The following ST18 variants were observed in gnomAD, a reference collection of about 807,000 sequenced individuals.
ST18 encodes the protein ST18 C2H2C-type zinc finger transcription factor.
In ST18, 50 loss-of-function variants were observed where a neutral mutation model predicts 110.0. That is an observed-to-expected ratio of 0.45 (90% CI 0.36 to 0.58). The LOEUF (loss-of-function observed/expected upper bound fraction) is 0.58, where lower values mean the gene tolerates loss of function less well. Among genes scored for constraint, ST18 ranks in the 20% least tolerant of loss-of-function variants. ST18 has a pLI of 0.00. For synonymous variants in ST18, 461 were observed against 452.4 expected, an observed-to-expected ratio of 1.02 and a Z score of -0.24; for missense variants, 1,306 against 1,280.1, an observed-to-expected ratio of 1.02 and a Z score of -0.31.
At chr8:52,237,877 GAC>G (rs1352853722) in intron 2 of ST18, among the ~76,000 whole-genome samples, 1 of 152,056 alleles carries the variant, frequency 6.6e-6, no homozygotes, top group African/African-American at 2.4e-5. Flanking sequence ...ATAATAAAAA[GAC>G]AACCCAATCA....
intron 22 of ST18, among the ~76,000 whole-genome samples, chr8:52,130,950 C>G (rs1289402936): frequency 6.6e-6 from 1 of 152,076 alleles, no homozygotes; most frequent in Non-Finnish European, 1.5e-5. Flanking sequence ...AATAATAATT[C>G]AAATTCAGAA....
intron 2 of ST18, among the ~76,000 whole-genome samples, chr8:52,256,552 A>G (rs1351760162): frequency 6.6e-6 from 1 of 152,136 alleles, no homozygotes. Context: ...TTCCCACACT[A>G]AGAGTGTACA....
intron 2 of ST18, among the ~76,000 whole-genome samples, chr8:52,302,391 A>G (rs924664481): frequency 6.6e-6 from 1 of 152,204 alleles, no homozygotes; most frequent in African/African-American, 2.4e-5. Flanking sequence ...ATAAATATAG[A>G]TTTCAATGGT....
chr8:52,283,596 T>C (rs1290064981), intron 2 of ST18, among the ~76,000 whole-genome samples: 1 of 152,122 alleles, frequency 6.6e-6, no homozygotes, highest in Admixed American at 6.5e-5. Flanking sequence ...AGTCACCATG[T>C]CAAATCTTGC....
chr8:52,174,353 T>C (rs1438402737), intron 9 of ST18, among the ~76,000 whole-genome samples: 1 of 152,242 alleles, frequency 6.6e-6, no homozygotes, highest in African/African-American at 2.4e-5. Flanking sequence ...TAAAGTATTA[T>C]GAACTACAGA....
chr8:52,284,507 C>T (rs187867389), intron 2 of ST18, among the ~76,000 whole-genome samples: 149 of 152,208 alleles, frequency 9.8e-4, no homozygotes, highest in Non-Finnish European at 1.9e-3. Context: ...AGTGGCTGTG[C>T]AGGGAAGAAC....
chr8:52,314,689 T>A (rs747954121), intron 2 of ST18, among the ~76,000 whole-genome samples: 3 of 152,190 alleles, frequency 2.0e-5, no homozygotes, highest in Admixed American at 6.5e-5. Flanking sequence ...ATGGCCTCCA[T>A]CATTCTTCAG....
At chr8:52,352,115 T>C (rs6985155) in intron 2 of ST18, among the ~76,000 whole-genome samples, 120,294 of 152,112 alleles carry the variant, frequency 0.79, 50,707 homozygotes, top group Non-Finnish European at 0.93. Context: ...CGATTTGGCA[T>C]GTTCCAATGC....
chr8:52,377,692 G>A (rs566738347), intron 2 of ST18, among the ~76,000 whole-genome samples: 153 of 152,298 alleles, frequency 1.0e-3, no homozygotes, highest in African/African-American at 3.5e-3. Context: ...GAACAGTGTG[G>A]AGGTTCTTCA....
At chr8:52,309,397 T>C (rs971372443) in intron 2 of ST18, among the ~76,000 whole-genome samples, 36 of 151,886 alleles carry the variant, frequency 2.4e-4, no homozygotes, top group Non-Finnish European at 1.3e-4. Flanking sequence ...GGCGCATGCC[T>C]GTAATCCCAG....
chr8:52,247,670 T>TA (rs2093966189), intron 2 of ST18, among the ~76,000 whole-genome samples: 1 of 152,222 alleles, frequency 6.6e-6, no homozygotes, highest in Non-Finnish European at 1.5e-5. Flanking sequence ...GATAGCCTAA[T>TA]ACATTTATAA....
In ST18 at chr8:52,149,911, C is replaced by T. The variant is rs777326874; in HGVS notation, c.1873G>A (p.Asp625Asn). ...DLSMKKNRIL[D>N]KSAPLTSSNT... ...GAGGAAGTTAGGGGTGCAGACTTGT[C>T]CAGGATTCGATTTTTTTTCATGCTT... Residue 625 changes from aspartate (D) to asparagine (N), a missense_variant, in exon 16 of 26, where the codon GAC (aspartate) becomes AAC (asparagine). Asp to Asn is a conservative substitution (Grantham distance 23). Transcript: ENST00000689386. The T allele has an allele frequency of 4.3e-6, 7 of 1,614,004 alleles. No individual in the cohort carries two copies. In the Admixed American group the frequency reaches 1.2e-4, roughly 27 times the overall value.
intron 2 of ST18, among the ~76,000 whole-genome samples, chr8:52,334,785 A>G (rs1231962391): frequency 6.6e-6 from 1 of 152,164 alleles, no homozygotes; most frequent in Admixed American, 6.5e-5. Context: ...ACTGGATCGA[A>G]CCAGCTCACC....
intron 2 of ST18, among the ~76,000 whole-genome samples, chr8:52,379,550 G>A (rs1185472412): frequency 6.6e-6 from 1 of 151,550 alleles, no homozygotes; most frequent in Non-Finnish European, 1.5e-5. Flanking sequence ...CAATTTTGGG[G>A]ACTTTTGCAA....
chr8:52,163,681 G>T (rs1249166249), intron 13 of ST18, among the ~76,000 whole-genome samples: 5 of 152,096 alleles, frequency 3.3e-5, no homozygotes, highest in African/African-American at 1.2e-4. Context: ...GGTATACTTA[G>T]TAACCCACAA....
intron 8 of ST18, among the ~76,000 whole-genome samples, chr8:52,211,308 A>C (rs917000064): frequency 2.6e-5 from 4 of 151,740 alleles, no homozygotes; most frequent in Non-Finnish European, 1.5e-5. Flanking sequence ...GAATCCACTC[A>C]AAAAAACTAT....
chr8:52,223,690 T>G (rs16917518), intron 3 of ST18, among the ~76,000 whole-genome samples: 12,379 of 152,084 alleles, frequency 0.081, 1,074 homozygotes, highest in African/African-American at 0.21. Context: ...ATGTGATTTT[T>G]TTTTTAAGTC....
At chr8:52,349,084 C>T (rs1000251816) in intron 2 of ST18, among the ~76,000 whole-genome samples, 7 of 152,142 alleles carry the variant, frequency 4.6e-5, no homozygotes, top group African/African-American at 7.2e-5. Flanking sequence ...GAGACTGTAC[C>T]GTATTTGCCT....
At chr8:52,356,910 A>G (rs1330412226) in intron 2 of ST18, among the ~76,000 whole-genome samples, 3 of 152,172 alleles carry the variant, frequency 2.0e-5, no homozygotes, top group African/African-American at 4.8e-5. Context: ...ATGGATTTCA[A>G]TATAAGTCTT....
Sources: gnomAD v4.1 joint callset for allele counts (sites outside exome capture counted in the v4.1 genomes callset) on GRCh38, gnomAD v4.1.1 for gene constraint, MANE v1.5 for transcripts, NCBI Gene and HGNC (gene_info 2026-07-23, HGNC 2026-07-21) for gene names.